FGD5: variants seen among roughly 807,000 people sequenced by gnomAD.
FGD5 encodes FYVE, RhoGEF and PH domain-containing protein 5.
FGD5 carries 28 observed loss-of-function variants against 133.4 expected under a neutral mutation model. The ratio of observed to expected loss-of-function variants is 0.21; its 90% CI spans 0.16 to 0.29. The LOEUF (loss-of-function observed/expected upper bound fraction) is 0.29, where lower values mean the gene tolerates loss of function less well. Among genes scored for constraint, FGD5 ranks in the 10% least tolerant of loss-of-function variants. The pLI, the probability that FGD5 is intolerant of heterozygous loss-of-function variation, is 1.00. For synonymous variants in FGD5, 810 were observed against 776.5 expected, an observed-to-expected ratio of 1.04 and a Z score of -0.72; for missense variants, 1,858 against 1,895.2, an observed-to-expected ratio of 0.98 and a Z score of 0.36.
chr3:14,894,572 G>T (rs1477340936), intron 4 of FGD5, among the ~76,000 whole-genome samples: 1 of 147,030 alleles, frequency 6.8e-6, no homozygotes, highest in African/African-American at 2.5e-5. Context: ...CTGGAGTGCA[G>T]TGACACAATC....
chr3:14,901,779 A>C (rs1575244503), intron 9 of FGD5, among the ~76,000 whole-genome samples: 3 of 152,352 alleles, frequency 2.0e-5, no homozygotes, highest in African/African-American at 7.2e-5. Context: ...ATCCACAGGC[A>C]GAAGAGGAAG....
intron 4 of FGD5, among the ~76,000 whole-genome samples, chr3:14,888,168 GA>G (rs3039779): frequency 7.4e-4 from 106 of 143,230 alleles, no homozygotes; most frequent in African/African-American, 2.3e-3. Flanking sequence ...ATCCTTTCTC[GA>G]AAAAAAAAAA....
intron 6 of FGD5, among the ~76,000 whole-genome samples, chr3:14,898,335 A>G (rs1375752190): frequency 6.6e-6 from 1 of 152,142 alleles, no homozygotes; most frequent in African/African-American, 2.4e-5. Flanking sequence ...GTCTCAGGGT[A>G]GTTTTCTTGT....
chr3:14,923,465 GC>G (rs2038727530), intron 16 of FGD5: 2 of 419,560 alleles, frequency 4.8e-6, no homozygotes, highest in East Asian at 9.0e-5. Context: ...TACCATAGAG[GC>G]CCTCTTGTCA....
rs2036469965 is a variant in FGD5 at position 14,820,547 on chromosome 3, T to C, written c.1476T>C (p.Tyr492=). ...CCCACTCTGGGAAGGTGGCCGGCTATGTCCCAGAAACCGTCCCTGAAGAAA... is the reference window on the plus strand; with the variant it reads ...CCCACTCTGGGAAGGTGGCCGGCTACGTCCCAGAAACCGTCCCTGAAGAAA... The part of the protein sequence containing the change: ...VRPHSGKVAG[Y]VPETVPEETG... The change falls in exon 1 of 20, where the codon TAT becomes TAC. Residue 492 remains tyrosine (Y), a synonymous_variant. Coordinates refer to ENST00000285046, the MANE Select transcript of FGD5 (RefSeq NM_152536.4). 1 of 1,613,554 alleles carries C rather than the reference T, an allele frequency of 6.2e-7. No individual in the cohort carries two copies. Among genetic ancestry groups the C allele is most frequent in the East Asian group, 2.2e-5 (1 of 44,852 alleles).
At chr3:14,849,070 C>G (rs1437733937) in intron 1 of FGD5, among the ~76,000 whole-genome samples, 2 of 152,302 alleles carry the variant, frequency 1.3e-5, no homozygotes, top group Middle Eastern at 3.4e-3. Flanking sequence ...AGTGACATGA[C>G]AAGAGCATGT....
At chr3:14,853,982 G>A (rs973660298) in intron 1 of FGD5, among the ~76,000 whole-genome samples, 2 of 151,904 alleles carry the variant, frequency 1.3e-5, no homozygotes, top group Non-Finnish European at 2.9e-5. Context: ...CTAGGCGGGG[G>A]GTTTAGAATT....
intron 1 of FGD5, among the ~76,000 whole-genome samples, chr3:14,827,208 C>T (rs1427251603): frequency 6.6e-6 from 1 of 151,574 alleles, no homozygotes; most frequent in Non-Finnish European, 1.5e-5. Context: ...CCAAGTCTGT[C>T]TGACTTTCAA....
Position 14,864,230 on chromosome 3 carries a change from T to C in FGD5, c.2628T>C (p.Ser876=), listed in dbSNP as rs1223318617. The C allele has an allele frequency of 1.9e-6, 3 of 1,613,818 alleles. No individual in the cohort carries two copies. The African/African-American group carries it at 4.0e-5, about 22-fold the overall frequency. ...EEQRSSEEED[S]ASRDPSVTHK... ...AGAGAAGCTCGGAGGAGGAGGACAG[T>C]GCTTCAAGAGACCCCAGTGTCACCC... Residue 876 remains serine (S), a synonymous_variant, in exon 2 of 20, where the codon AGT becomes AGC. Coordinates refer to ENST00000285046, the MANE Select transcript of FGD5 (RefSeq NM_152536.4).
chr3:14,898,723 C>G lies in FGD5; in HGVS notation c.3067-16C>G, dbSNP rs1457767845. ...GGGTTTCTGATAAGGTTTTTCCTTC[C>G]CTGTCTTGAGAGCAGCAGAGTGTAC... On this transcript the variant is annotated splice_polypyrimidine_tract_variant and intron_variant, in intron 6 of 19. Transcript: ENST00000285046. The G allele has an allele frequency of 6.4e-7, 1 of 1,567,904 alleles. No homozygotes were observed. The highest frequency in any genetic ancestry group is 1.4e-5 in the African/African-American group (1 of 73,692).
intron 2 of FGD5, among the ~76,000 whole-genome samples, chr3:14,871,383 A>G (rs947437898): frequency 6.6e-6 from 1 of 152,254 alleles, no homozygotes; most frequent in African/African-American, 2.4e-5. Flanking sequence ...AAGAAAAACA[A>G]ACTCGAATGT....
intron 1 of FGD5, among the ~76,000 whole-genome samples, chr3:14,862,097 A>G (rs2037410906): frequency 6.6e-6 from 1 of 152,156 alleles, no homozygotes; most frequent in Admixed American, 6.5e-5. Context: ...CCTGACGCTC[A>G]CATAGTGGCT....
chr3:14,835,885 G>A (rs2036807243), intron 1 of FGD5, among the ~76,000 whole-genome samples: 1 of 152,156 alleles, frequency 6.6e-6, no homozygotes, highest in Non-Finnish European at 1.5e-5. Flanking sequence ...GAAGGTTCTT[G>A]GTAATTGTTA....
intron 17 of FGD5, among the ~76,000 whole-genome samples, chr3:14,925,116 A>G (rs1026959047): frequency 6.6e-6 from 1 of 151,132 alleles, no homozygotes; most frequent in Non-Finnish European, 1.5e-5. Flanking sequence ...AAAAAAAAAA[A>G]AAAAAAAAAA....
At chr3:14,850,229 C>T (rs1294638939) in intron 1 of FGD5, among the ~76,000 whole-genome samples, 2 of 152,202 alleles carry the variant, frequency 1.3e-5, no homozygotes, top group Non-Finnish European at 2.9e-5. Context: ...TCAGGACCCA[C>T]AACTGTAGAG....
intron 10 of FGD5, among the ~76,000 whole-genome samples, chr3:14,909,293 C>T (rs2038401564): frequency 6.6e-6 from 1 of 152,120 alleles, no homozygotes; most frequent in Non-Finnish European, 1.5e-5. Context: ...AACACAAAAA[C>T]ACAACAGAAT....
rs750143005 is a variant in FGD5, at chr3:14,917,356, C to T, written c.3489+24C>T. Reference sequence around the variant, plus strand: ...AGGTAAATATCTGGTGCCAGGTACCCCCGGGTTGGGGGACAGGGAGACCCC... The same window carrying T: ...AGGTAAATATCTGGTGCCAGGTACCTCCGGGTTGGGGGACAGGGAGACCCC... On this transcript the variant is annotated intron_variant, in intron 12 of 19. Transcript: ENST00000285046. The surrounding 1 kb of genome is among the most constrained non-coding windows in gnomAD (Gnocchi z 4.1). 9 of 1,603,432 alleles carry T rather than the reference C, an allele frequency of 5.6e-6. No homozygotes were observed. Among genetic ancestry groups the T allele is most frequent in the Non-Finnish European group, 7.7e-6 (9 of 1,174,738 alleles).
Position 14,897,889 on chromosome 3 carries a change from T to C in FGD5, c.2910-50T>C, listed in dbSNP as rs768663125. 21 of 1,609,450 alleles carry C rather than the reference T, an allele frequency of 1.3e-5. No homozygotes were observed. In the East Asian group the frequency reaches 4.5e-4, roughly 34 times the overall value. ...CAGGCCCCCTGCTTCTAACCCTGCG[T>C]TGGTTACAAGGCTGAGTTCTCACTG... On this transcript the variant is annotated intron_variant, in intron 5 of 19. Transcript: ENST00000285046.
chr3:14,932,417 G>A (rs1294021148), intron 18 of FGD5, 160 bp from the exon 19 acceptor site: 5 of 742,454 alleles, frequency 6.7e-6, no homozygotes, highest in Admixed American at 3.2e-5. Flanking sequence ...GGCTGGCTCT[G>A]GGGGGAAGCG....
Sources: allele counts gnomAD v4.1 joint callset (sites outside exome capture counted in the v4.1 genomes callset), GRCh38; gene constraint gnomAD v4.1.1; non-coding constraint Gnocchi (gnomAD v3.1); transcripts MANE v1.5; gene names NCBI Gene and HGNC (gene_info 2026-07-23, HGNC 2026-07-21).